The following DRD3 variants were observed in gnomAD, a reference collection of about 807,000 sequenced individuals.
The protein encoded by DRD3 is dopamine receptor D3.
In DRD3, 19 loss-of-function variants were observed where a neutral mutation model predicts 36.3. That is an observed-to-expected ratio of 0.52 (90% CI 0.36 to 0.77). The LOEUF is 0.77. Among genes scored for constraint, DRD3 ranks in the 30% least tolerant of loss-of-function variants. The pLI, the probability that DRD3 is intolerant of heterozygous loss-of-function variation, is 0.00. For synonymous variants in DRD3, 195 were observed against 203.7 expected (o/e 0.96, Z 0.36); for missense variants, 465 against 505.3 (o/e 0.92, Z 0.77).
chr3:114,137,335 A>G (rs768094092), intron 5 of DRD3, among the ~76,000 whole-genome samples: 52 of 152,230 alleles, frequency 3.4e-4, no homozygotes, highest in Admixed American at 1.6e-3. Context: ...GGGGTGTAGA[A>G]GAAGGAACAG....
rs201054023 is a variant in DRD3 at position 114,128,661 on chromosome 3, G to T, written c.*55C>A. 1.2e-4 allele frequency: 187 copies of T among 1,502,300 alleles called. No homozygotes were observed. Among genetic ancestry groups the T allele is most frequent in the Admixed American group, 8.4e-4 (40 of 47,762 alleles). 93.1% of individuals were successfully genotyped at this position (1,502,300 alleles called of 1,614,324 possible). A position where few individuals can be genotyped will look rare whatever the true frequency, so the allele number is the denominator to read the frequency against. ...GACACTGCACAGTCTTTCTGAGTGGGCCAACAGCCTGGCAGCTAGAAATGG... is the reference window on the plus strand; with the variant it reads ...GACACTGCACAGTCTTTCTGAGTGGTCCAACAGCCTGGCAGCTAGAAATGG... On this transcript the variant is annotated 3_prime_UTR_variant, in exon 7 of 7. Coordinates refer to ENST00000383673, the MANE Select transcript of DRD3 (RefSeq NM_000796.6).
At chr3:114,159,494 T>C (rs1309278985) in intron 3 of DRD3, among the ~76,000 whole-genome samples, 1 of 150,060 alleles carries the variant, frequency 6.7e-6, no homozygotes, top group Non-Finnish European at 1.5e-5. Flanking sequence ...CCCCAAAGGA[T>C]GGTGGAAAAG....
At chr3:114,195,365 T>C (rs1350222287) in intron 1 of DRD3, among the ~76,000 whole-genome samples, 2 of 152,232 alleles carry the variant, frequency 1.3e-5, no homozygotes, top group African/African-American at 2.4e-5. Context: ...CTGGCTGATA[T>C]TGTACTGATT....
chr3:114,141,109 G>A (rs973879848), intron 4 of DRD3, among the ~76,000 whole-genome samples: 4 of 152,144 alleles, frequency 2.6e-5, no homozygotes, highest in Admixed American at 1.3e-4. Context: ...TCGGCTCACC[G>A]CAACCTCCAT....
At chr3:114,132,718 G>A (rs2077441798) in intron 5 of DRD3, among the ~76,000 whole-genome samples, 3 of 152,144 alleles carry the variant, frequency 2.0e-5, no homozygotes, top group Admixed American at 2.0e-4. Context: ...ACACCACTAT[G>A]ACATAAGCCC....
intron 2 of DRD3, among the ~76,000 whole-genome samples, chr3:114,171,460 C>T (rs899563484): frequency 6.6e-6 from 1 of 152,068 alleles, no homozygotes; most frequent in Non-Finnish European, 1.5e-5. Flanking sequence ...TAGGAAGAGT[C>T]CCGTCACTCA....
At chr3:114,164,220 C>CAAAAAAAAAAAAAAAAAA (rs34500434) in intron 2 of DRD3, among the ~76,000 whole-genome samples, 7 of 17,776 alleles carry the variant, frequency 3.9e-4, no homozygotes, top group African/African-American at 4.8e-4. Context: ...GCCTCAGTCT[C>CAAAAAAAAAAAAAAAAAA]AAAAAAAAAA....
chr3:114,196,055 A>C (rs1021401012), intron 1 of DRD3, among the ~76,000 whole-genome samples: 1 of 152,216 alleles, frequency 6.6e-6, no homozygotes, highest in African/African-American at 2.4e-5. Flanking sequence ...GTGCAACAAG[A>C]GCACATTTTG....
chr3:114,182,685 C>T (rs1349134814), upstream of DRD3, among the ~76,000 whole-genome samples: 1 of 152,074 alleles, frequency 6.6e-6, no homozygotes, highest in Non-Finnish European at 1.5e-5. Flanking sequence ...AATCTCGGCT[C>T]CCTGCAACCT....
chr3:114,159,267 T>C (rs936581046), intron 3 of DRD3, among the ~76,000 whole-genome samples: 1 of 151,926 alleles, frequency 6.6e-6, no homozygotes, highest in Non-Finnish European at 1.5e-5. Context: ...AAATTGCCTT[T>C]CTCCCCCACT....
chr3:114,193,440 G>A (rs1328020315), intron 1 of DRD3, among the ~76,000 whole-genome samples: 1 of 152,210 alleles, frequency 6.6e-6, no homozygotes. Context: ...TATCCATGGG[G>A]TCAGAGACAG....
chr3:114,166,174 C>T (rs924322156), intron 2 of DRD3, among the ~76,000 whole-genome samples: 1 of 151,840 alleles, frequency 6.6e-6, no homozygotes, highest in African/African-American at 2.4e-5. Flanking sequence ...TCAGTAGAGA[C>T]GGGGTTTTAC....
intron 4 of DRD3, among the ~76,000 whole-genome samples, chr3:114,144,326 C>T (rs1445342172): frequency 1.3e-5 from 2 of 152,208 alleles, no homozygotes; most frequent in African/African-American, 4.8e-5. Context: ...TAGTGAAAGT[C>T]CAGCTGCTTC....
upstream of DRD3, among the ~76,000 whole-genome samples, chr3:114,180,307 T>C (rs949818703): frequency 8.5e-5 from 13 of 152,152 alleles, no homozygotes; most frequent in African/African-American, 3.1e-4. Flanking sequence ...ATGGACTAAA[T>C]TGTGTCATTC....
Position 114,131,783 on chromosome 3 carries a change from T to A in DRD3, c.724-383A>T, listed in dbSNP as rs147599349. On this transcript the variant is annotated intron_variant, in intron 5 of 6. Transcript: ENST00000383673. ...AATAGACACTTCTCAAAAGAAGACA[T>A]TTATGCAGCCAACAAACATATAAAA... is the stretch of plus-strand genomic sequence containing the variant. Among the ~76,000 whole-genome samples the A allele has an allele frequency of 2.2e-3, 337 of 152,352 alleles. 1 individual carries two copies. The highest frequency in any genetic ancestry group is 7.7e-3 in the African/African-American group (322 of 41,578).
At chr3:114,181,097 C>A (rs2077945568), upstream of DRD3, among the ~76,000 whole-genome samples, 1 of 152,214 alleles carries the variant, frequency 6.6e-6, no homozygotes, top group Non-Finnish European at 1.5e-5. Flanking sequence ...GTTGAGAACA[C>A]ATATTCTCTC....
chr3:114,191,645 G>C (rs2078011268), intron 1 of DRD3, among the ~76,000 whole-genome samples: 1 of 152,220 alleles, frequency 6.6e-6, no homozygotes, highest in South Asian at 2.1e-4. Flanking sequence ...AGGGCGTGGG[G>C]AGGCTGTTAC....
At position 114,132,550 on chromosome 3, in the gene DRD3, G is replaced by A. The variant is rs1262890883; in HGVS notation, c.724-1150C>T. 4.1e-5 allele frequency among the ~76,000 whole-genome samples: 6 copies of A among 144,920 alleles called. No individual in the cohort carries two copies. In the Admixed American group the frequency reaches 4.3e-4, roughly 10 times the overall value. ...TAACAAACCTGCACGTTCAGCACAC[G>A]TACCCCAGAACTTAAAGTAAAAAAA... On this transcript the variant is annotated intron_variant, in intron 5 of 6. Transcript: ENST00000383673.
rs1252076681 is a variant in DRD3 at position 114,178,960 on chromosome 3, G to C, written c.-339C>G. Reference sequence around the variant, plus strand: ...GAGCGTTGCTTGGGTCAGCCGCTCAGAGGTTCTGTCCTTGGTGCTGAAAGA... The same window carrying C: ...GAGCGTTGCTTGGGTCAGCCGCTCACAGGTTCTGTCCTTGGTGCTGAAAGA... On this transcript the variant is annotated 5_prime_UTR_variant, in exon 1 of 7. Transcript: ENST00000383673. 6.6e-6 allele frequency: 1 copy of C among 152,186 alleles called. No homozygotes were observed. Among genetic ancestry groups the C allele is most frequent in the Non-Finnish European group, 1.5e-5 (1 of 68,032 alleles). 9.4% of individuals were successfully genotyped at this position (152,186 alleles called of 1,614,324 possible). A position where few individuals can be genotyped will look rare whatever the true frequency, so the allele number is the denominator to read the frequency against.
Sources: allele counts gnomAD v4.1 joint callset (sites outside exome capture counted in the v4.1 genomes callset), GRCh38; gene constraint gnomAD v4.1.1; transcripts MANE v1.5; gene names NCBI Gene and HGNC (gene_info 2026-07-23, HGNC 2026-07-21).